Variants in TBC1D1 observed in about 807,000 individuals in gnomAD.
TBC1D1 encodes the protein TBC1 domain family member 1.
In TBC1D1, 89 loss-of-function variants were observed where a neutral mutation model predicts 125.6. That is an observed-to-expected ratio of 0.71 (90% CI 0.60 to 0.85). The LOEUF (loss-of-function observed/expected upper bound fraction) is 0.85, where lower values mean the gene tolerates loss of function less well. Ranked by LOEUF, TBC1D1 falls within the 40% of genes least tolerant of loss-of-function variation. The pLI, the probability that TBC1D1 is intolerant of heterozygous loss-of-function variation, is 0.00. For synonymous variants in TBC1D1, 565 were observed against 564.1 expected, an observed-to-expected ratio of 1.00 and a Z score of -0.02; for missense variants, 1,377 against 1,469.2, an observed-to-expected ratio of 0.94 and a Z score of 1.03.
intron 2 of TBC1D1, among the ~76,000 whole-genome samples, chr4:37,957,030 T>A (rs1289904914): frequency 2.6e-5 from 4 of 151,860 alleles, no homozygotes; most frequent in Non-Finnish European, 5.9e-5. Context: ...AAAGAATTAC[T>A]CCTATCCGGT....
chr4:37,965,847 T>C (rs1210028201), intron 2 of TBC1D1, among the ~76,000 whole-genome samples: 2 of 152,102 alleles, frequency 1.3e-5, no homozygotes, highest in Admixed American at 6.6e-5. Flanking sequence ...ACCTCCCAGA[T>C]TCAAGCGATT....
rs1461202633 is a variant in TBC1D1, at chr4:37,906,023, C to G, written c.417+3511C>G. Reference sequence around the variant, plus strand: ...GTGTAAGCTGAACCAGCAGAGATGTCTATGATATTGGCTAGTTGGTCCTCT... The same window carrying G: ...GTGTAAGCTGAACCAGCAGAGATGTGTATGATATTGGCTAGTTGGTCCTCT... On this transcript the variant is annotated intron_variant, in intron 2 of 19. Transcript: ENST00000261439. 3.9e-5 allele frequency among the ~76,000 whole-genome samples: 6 copies of G among 152,146 alleles called. No homozygotes were observed. In the East Asian group the frequency reaches 1.2e-3, roughly 29 times the overall value.
intron 12 of TBC1D1, chr4:38,060,727 C>A: frequency 9.8e-7 from 1 of 1,019,328 alleles, no homozygotes; most frequent in Non-Finnish European, 1.3e-6. Context: ...AAGAGGCTTT[C>A]TTCAGATCAT....
chr4:38,043,205 T>C (rs1306756095), intron 8 of TBC1D1, among the ~76,000 whole-genome samples: 2 of 152,042 alleles, frequency 1.3e-5, no homozygotes, highest in Admixed American at 1.3e-4. Context: ...CCTGGCCGTT[T>C]TTTTTTCTAA....
intron 2 of TBC1D1, among the ~76,000 whole-genome samples, chr4:37,912,055 G>T (rs1316778419): frequency 3.9e-5 from 6 of 152,154 alleles, no homozygotes; most frequent in Admixed American, 3.9e-4. Flanking sequence ...GATGGATCTT[G>T]TCTCAGGACT....
chr4:37,930,221 A>G (rs1722987591), intron 2 of TBC1D1, among the ~76,000 whole-genome samples: 1 of 152,240 alleles, frequency 6.6e-6, no homozygotes, highest in African/African-American at 2.4e-5. Flanking sequence ...CTAAAAACAT[A>G]ATGCTGATCA....
At chr4:38,100,136 G>A (rs1187686524) in intron 14 of TBC1D1, among the ~76,000 whole-genome samples, 1 of 152,092 alleles carries the variant, frequency 6.6e-6, no homozygotes, top group African/African-American at 2.4e-5. Flanking sequence ...TATGTACCCA[G>A]GATATATCTA....
At position 38,049,618 on chromosome 4, in the gene TBC1D1, G is replaced by C. The variant is rs770673323; in HGVS notation, c.1630G>C (p.Glu544Gln). ...TGATCTGCTGTGTGTTTGCTCCCAG[G>C]AGCCATCTGTGTGTGAAAAGGAGGC... Residue 544 changes from glutamate to glutamine, a missense_variant and splice_region_variant, in exon 11 of 20, where the codon GAG (glutamate) becomes CAG (glutamine). Transcript: ENST00000261439. The C allele has an allele frequency of 6.2e-7, 1 of 1,602,106 alleles. No homozygotes were observed. Among genetic ancestry groups the C allele is most frequent in the Non-Finnish European group, 8.5e-7 (1 of 1,172,674 alleles).
chr4:38,118,133 C>G lies in TBC1D1; in HGVS notation c.2903C>G (p.Pro968Arg), dbSNP rs1280830886. The stretch of plus-strand genomic sequence containing the variant: ...ATCGGCCCCAGCCTCTACGCTGCCC[C>G]CTGGTTCCTCACCATGTTTGCCTCA... The change falls in exon 17 of 20, where the codon CCC (proline) becomes CGC (arginine). Residue 968 changes from proline to arginine, a missense_variant. Transcript: ENST00000261439. The G allele has an allele frequency of 2.5e-6, 4 of 1,614,080 alleles. No individual in the cohort carries two copies. The highest frequency in any genetic ancestry group is 1.3e-5 in the African/African-American group (1 of 74,926).
chr4:37,959,825 A>G (rs563296490), intron 2 of TBC1D1, among the ~76,000 whole-genome samples: 3 of 152,306 alleles, frequency 2.0e-5, no homozygotes, highest in Admixed American at 2.0e-4. Flanking sequence ...AGCAAGCACC[A>G]TTAGTAGTCA....
intron 2 of TBC1D1, among the ~76,000 whole-genome samples, chr4:37,991,892 A>G (rs1198422982): frequency 6.6e-6 from 1 of 152,234 alleles, no homozygotes; most frequent in African/African-American, 2.4e-5. Context: ...AGGGGGTGAC[A>G]AAGAATATTC....
At chr4:38,015,464 C>CTTT (rs545314565) in intron 3 of TBC1D1, among the ~76,000 whole-genome samples, 1 of 141,572 alleles carries the variant, frequency 7.1e-6, no homozygotes, top group African/African-American at 2.6e-5. Flanking sequence ...GGCTTGCTTG[C>CTTT]TTTTTTTTTT....
intron 2 of TBC1D1, among the ~76,000 whole-genome samples, chr4:37,916,468 G>A (rs980596678): frequency 6.6e-6 from 1 of 152,190 alleles, no homozygotes; most frequent in African/African-American, 2.4e-5. Flanking sequence ...GGAAGGGCTA[G>A]TTTCATGACT....
Position 38,103,799 on chromosome 4 carries a change from G to C in TBC1D1, c.2557+642G>C, listed in dbSNP as rs183327314. On this transcript the variant is annotated intron_variant, in intron 15 of 19. Coordinates refer to ENST00000261439, the MANE Select transcript of TBC1D1 (RefSeq NM_015173.4). ...ACAATAATATAGATTTTAAAATATA[G>C]TAACTATCTATGTAGAATTTACATT... Among the ~76,000 whole-genome samples, 268 of 152,246 alleles carry C rather than the reference G, an allele frequency of 1.8e-3. 1 individual carries two copies. Among genetic ancestry groups the C allele is most frequent in the African/African-American group, 6.1e-3 (252 of 41,540 alleles).
chr4:38,040,179 A>T (rs149909574), intron 8 of TBC1D1, among the ~76,000 whole-genome samples: 2,123 of 152,338 alleles, frequency 0.014, 20 homozygotes, highest in Non-Finnish European at 0.021. Flanking sequence ...GTACACAGAG[A>T]TTCTTCAGAC....
At chr4:38,009,087 AAGAT>A (rs1223638210) in intron 2 of TBC1D1, among the ~76,000 whole-genome samples, 1 of 152,236 alleles carries the variant, frequency 6.6e-6, no homozygotes, top group Non-Finnish European at 1.5e-5. Context: ...TAAGGCATGT[AAGAT>A]AGAGTGAGGA....
At chr4:37,944,498 C>T (rs527782121) in intron 2 of TBC1D1, among the ~76,000 whole-genome samples, 43 of 152,330 alleles carry the variant, frequency 2.8e-4, no homozygotes, top group African/African-American at 6.7e-4. Context: ...TCGAGCTTCC[C>T]GGCCGCTTTG....
chr4:37,961,291 G>C (rs1248134424), intron 2 of TBC1D1, among the ~76,000 whole-genome samples: 1 of 152,154 alleles, frequency 6.6e-6, no homozygotes, highest in Non-Finnish European at 1.5e-5. Context: ...AAAGGCCAGG[G>C]CCAGGCCAAG....
intron 2 of TBC1D1, among the ~76,000 whole-genome samples, chr4:38,007,555 T>C (rs1455169083): frequency 3.3e-5 from 5 of 152,194 alleles, no homozygotes; most frequent in African/African-American, 9.6e-5. Context: ...TCCCTGTCCC[T>C]ATCTGCTTTT....
Sources: gnomAD v4.1 joint callset for allele counts (sites outside exome capture counted in the v4.1 genomes callset) on GRCh38, gnomAD v4.1.1 for gene constraint, MANE v1.5 for transcripts, NCBI Gene and HGNC (gene_info 2026-07-23, HGNC 2026-07-21) for gene names.